The following OR51B5 variants were observed in gnomAD, a reference collection of about 807,000 sequenced individuals.
OR51B5 encodes the protein olfactory receptor family 51 subfamily B member 5, also known as olfactory receptor 51B5.
For missense variants in OR51B5, 456 were observed against 374.6 expected, an observed-to-expected ratio of 1.22 and a Z score of -1.79; for synonymous variants, 186 against 144.8, an observed-to-expected ratio of 1.28 and a Z score of -2.04.
chr11:5,500,945 C>A (rs10500644), intron 1 of OR51B5, among the ~76,000 whole-genome samples: 1 of 147,936 alleles, frequency 6.8e-6, no homozygotes, highest in Non-Finnish European at 1.5e-5. Flanking sequence ...TAGGTTGACA[C>A]TAGGCAGCAT....
intron 1 of OR51B5, chr11:5,354,940 G>A (rs1849164604): frequency 6.0e-6 from 1 of 166,830 alleles, no homozygotes; most frequent in Admixed American, 6.5e-5. Context: ...TGAAGTCTGT[G>A]CGCTGGATTG....
chr11:5,454,424 A>C (rs1157222026), intron 1 of OR51B5: 1 of 1,602,258 alleles, frequency 6.2e-7, no homozygotes, highest in African/African-American at 1.3e-5. Flanking sequence ...ACATCAAAAT[A>C]TGACTTTCAC....
chr11:5,485,462 G>A (rs1178179872), intron 1 of OR51B5, among the ~76,000 whole-genome samples: 1 of 152,116 alleles, frequency 6.6e-6, no homozygotes, highest in African/African-American at 2.4e-5. Context: ...CTCTGCTTGG[G>A]CTGAGCAATG....
At chr11:5,395,140 G>A (rs1011897377) in intron 1 of OR51B5, among the ~76,000 whole-genome samples, 2 of 152,154 alleles carry the variant, frequency 1.3e-5, no homozygotes, top group Non-Finnish European at 2.9e-5. Context: ...TGGTCTAGGA[G>A]GATGCTAATC....
chr11:5,453,451 A>C, intron 1 of OR51B5: 1 of 1,411,690 alleles, frequency 7.1e-7, no homozygotes, highest in Non-Finnish European at 9.5e-7. Context: ...CCAAGTCAGA[A>C]GATCTGACTC....
chr11:5,443,520 T>C (rs929009576), intron 1 of OR51B5, among the ~76,000 whole-genome samples: 1 of 151,980 alleles, frequency 6.6e-6, no homozygotes, highest in African/African-American at 2.4e-5. Context: ...TGTTTTTTTT[T>C]TTTCTTTACC....
chr11:5,489,645 G>A, intron 1 of OR51B5: 1 of 1,611,814 alleles, frequency 6.2e-7, no homozygotes, highest in African/African-American at 1.3e-5. Flanking sequence ...TGCTTCACCT[G>A]GGGAAGACTT....
chr11:5,377,659 C>T (rs1203319752), intron 1 of OR51B5, among the ~76,000 whole-genome samples: 4 of 152,082 alleles, frequency 2.6e-5, no homozygotes, highest in Non-Finnish European at 4.4e-5. Flanking sequence ...CATTCTTATA[C>T]ACCAATAACA....
chr11:5,424,037 C>A (rs1384748848), intron 1 of OR51B5, among the ~76,000 whole-genome samples: 1 of 152,092 alleles, frequency 6.6e-6, no homozygotes, highest in Non-Finnish European at 1.5e-5. Context: ...CCTTAAGGAT[C>A]ATAAAAAATA....
chr11:5,470,677 T>C (rs1301490565), intron 1 of OR51B5, among the ~76,000 whole-genome samples: 1 of 152,218 alleles, frequency 6.6e-6, no homozygotes, highest in East Asian at 1.9e-4. Flanking sequence ...CCAGTCACCA[T>C]CTATTCACGT....
At chr11:5,420,346 A>T (rs1001417440) in intron 1 of OR51B5, among the ~76,000 whole-genome samples, 4 of 152,104 alleles carry the variant, frequency 2.6e-5, no homozygotes, top group Admixed American at 6.5e-5. Flanking sequence ...TTAAAACACC[A>T]ATTATACGAT....
chr11:5,409,728 G>C (rs776377332), intron 1 of OR51B5, among the ~76,000 whole-genome samples: 11 of 152,058 alleles, frequency 7.2e-5, no homozygotes, highest in Non-Finnish European at 1.3e-4. Flanking sequence ...AGGAAAAGGA[G>C]GTACAGAAGC....
At chr11:5,439,993 A>G (rs151019794) in intron 1 of OR51B5, among the ~76,000 whole-genome samples, 2 of 152,298 alleles carry the variant, frequency 1.3e-5, no homozygotes, top group East Asian at 3.9e-4. Context: ...TCAGGCAATT[A>G]TCTCTGCCAA....
intron 1 of OR51B5, chr11:5,453,497 G>A: frequency 6.5e-7 from 1 of 1,548,910 alleles, no homozygotes; most frequent in Non-Finnish European, 8.7e-7. Flanking sequence ...CTATGGGGTT[G>A]TTCAATGTCA....
intron 1 of OR51B5, among the ~76,000 whole-genome samples, chr11:5,408,859 CA>C (rs1850101091): frequency 1.3e-5 from 2 of 152,114 alleles, no homozygotes; most frequent in Admixed American, 1.3e-4. Flanking sequence ...GCATTTAATT[CA>C]TAGAAAAGCA....
At chr11:5,364,955 GA>G (rs1849343316) in intron 1 of OR51B5, among the ~76,000 whole-genome samples, 4 of 139,838 alleles carry the variant, frequency 2.9e-5, no homozygotes, top group Admixed American at 7.0e-5. Context: ...AGCAGAGAGA[GA>G]GGGAAAAAAA....
At chr11:5,431,009 T>A (rs1428503602) in intron 1 of OR51B5, 6 of 456,956 alleles carry the variant, frequency 1.3e-5, no homozygotes, top group African/African-American at 1.2e-4. Flanking sequence ...AAGCCCAGGA[T>A]GCTGTTGAGT....
chr11:5,371,808 C>T (rs1393802587), intron 1 of OR51B5, among the ~76,000 whole-genome samples: 1 of 152,082 alleles, frequency 6.6e-6, no homozygotes, highest in African/African-American at 2.4e-5. Flanking sequence ...GTTTAGTTTA[C>T]AGTACAGTAT....
intron 1 of OR51B5, chr11:5,456,038 A>C (rs182969996): frequency 2.0e-5 from 3 of 152,348 alleles, no homozygotes; most frequent in African/African-American, 7.2e-5. Context: ...ATGAAATAAT[A>C]ATTTTAATGC....
Sources: allele counts gnomAD v4.1 joint callset (sites outside exome capture counted in the v4.1 genomes callset), GRCh38; gene constraint gnomAD v4.1.1; transcripts MANE v1.5; gene names NCBI Gene and HGNC (gene_info 2026-07-23, HGNC 2026-07-21).